The following MEIKIN variants were observed in gnomAD, a reference collection of about 807,000 sequenced individuals.
MEIKIN encodes meiosis-specific kinetochore protein.
chr5:131,890,280 A>G (rs1325082928), intron 8 of MEIKIN, among the ~76,000 whole-genome samples: 1 of 152,306 alleles, frequency 6.6e-6, no homozygotes, highest in Admixed American at 6.5e-5. Context: ...GAATGGTACC[A>G]GCTCCTCCTT....
chr5:131,926,570 T>C (rs1751590514), intron 5 of MEIKIN, among the ~76,000 whole-genome samples: 1 of 152,210 alleles, frequency 6.6e-6, no homozygotes. Context: ...GAAAGTGTCT[T>C]CTCCTCTTTA....
At chr5:131,909,428 A>C (rs1751297993) in intron 8 of MEIKIN, among the ~76,000 whole-genome samples, 1 of 152,186 alleles carries the variant, frequency 6.6e-6, no homozygotes, top group African/African-American at 2.4e-5. Flanking sequence ...AAATGGATTA[A>C]AAACTTAAAT....
intron 11 of MEIKIN, among the ~76,000 whole-genome samples, chr5:131,836,215 A>C (rs1271876148): frequency 6.6e-6 from 1 of 152,136 alleles, no homozygotes; most frequent in Non-Finnish European, 1.5e-5. Context: ...GTTCCTGCAA[A>C]AGACATGATC....
chr5:131,874,603 C>T (rs1280849744), intron 9 of MEIKIN, among the ~76,000 whole-genome samples: 1 of 152,162 alleles, frequency 6.6e-6, no homozygotes, highest in Non-Finnish European at 1.5e-5. Context: ...TGAAACTATT[C>T]CAATCAATAG....
intron 9 of MEIKIN, among the ~76,000 whole-genome samples, chr5:131,858,276 A>G (rs1750229794): frequency 6.6e-6 from 1 of 152,256 alleles, no homozygotes; most frequent in Non-Finnish European, 1.5e-5. Context: ...GCCCAGAAAT[A>G]AAGCTGCACA....
chr5:131,923,060 A>G (rs1402843295), intron 5 of MEIKIN, among the ~76,000 whole-genome samples: 1 of 151,994 alleles, frequency 6.6e-6, no homozygotes, highest in African/African-American at 2.4e-5. Context: ...CCCGGCTAAT[A>G]TTTTATTTGT....
rs1224014060 is a variant in MEIKIN, at chr5:131,857,125, G to C, written c.775-2291C>G. On this transcript the variant is annotated intron_variant, in intron 9 of 12. Coordinates refer to ENST00000442687, the MANE Select transcript of MEIKIN (RefSeq NM_001303622.2). ...CGGAACCTTGACTTTTAGATAATGA[G>C]AGTTTAACTGAAAATTTGTAACTCT... Among the ~76,000 whole-genome samples, 5 of 152,066 alleles carry C rather than the reference G, an allele frequency of 3.3e-5. No homozygotes were observed. In the South Asian group the frequency reaches 1.0e-3, roughly 32 times the overall value.
At chr5:131,846,244 C>T (rs1460861219) in intron 11 of MEIKIN, among the ~76,000 whole-genome samples, 1 of 152,032 alleles carries the variant, frequency 6.6e-6, no homozygotes, top group Admixed American at 6.5e-5. Context: ...AGGTAGTTAC[C>T]ACTAGATTTG....
chr5:131,867,875 T>A (rs1750414471), intron 9 of MEIKIN, among the ~76,000 whole-genome samples: 1 of 152,230 alleles, frequency 6.6e-6, no homozygotes, highest in Non-Finnish European at 1.5e-5. Flanking sequence ...TTTCAATTCA[T>A]TTGCATAAAC....
chr5:131,871,345 A>G (rs1750493055), intron 9 of MEIKIN, among the ~76,000 whole-genome samples: 1 of 152,230 alleles, frequency 6.6e-6, no homozygotes, highest in Non-Finnish European at 1.5e-5. Context: ...GCACACCAGG[A>G]GATTATATCC....
intron 11 of MEIKIN, among the ~76,000 whole-genome samples, chr5:131,840,955 G>C (rs370597982): frequency 1.6e-4 from 25 of 152,146 alleles, no homozygotes; most frequent in Admixed American, 7.9e-4. Context: ...TTCATGCGCT[G>C]GTTCTTTCTC....
At chr5:131,900,085 CACAAA>C (rs1751130285) in intron 8 of MEIKIN, among the ~76,000 whole-genome samples, 1 of 152,162 alleles carries the variant, frequency 6.6e-6, no homozygotes, top group Admixed American at 6.5e-5. Context: ...TATGTTAGGT[CACAAA>C]ACAAGTCTTA....
rs1397438128 is a variant in MEIKIN at position 131,818,838 on chromosome 5, C to T, written c.1001G>A (p.Cys334Tyr). 5.0e-6 allele frequency: 2 copies of T among 397,822 alleles called. No individual in the cohort carries two copies. The highest frequency in any genetic ancestry group is 2.1e-5 in the African/African-American group (1 of 48,550). The allele number at this position is 397,822 out of a possible 1,614,324, so 24.6% of individuals were successfully genotyped here. The change falls in exon 12 of 13, where the codon TGT becomes TAT. Residue 334 changes from cysteine to tyrosine, a missense_variant. Cys to Tyr is a radical substitution (Grantham distance 194). Coordinates refer to ENST00000442687, the MANE Select transcript of MEIKIN (RefSeq NM_001303622.2). ...TCCTGGTGATGTTCTAATAATACAA[C>T]ATATTTCTGATGCATTTGCAGGAAA... ...NEFPANASEI[C>Y]CIIRTSPGTR...
At chr5:131,862,349 A>T (rs558824695) in intron 9 of MEIKIN, among the ~76,000 whole-genome samples, 61 of 152,104 alleles carry the variant, frequency 4.0e-4, no homozygotes, top group Non-Finnish European at 7.2e-4. Flanking sequence ...TTCCTTGGTT[A>T]ATCTAGCTAG....
At position 131,818,768 on chromosome 5, in the gene MEIKIN, TTTC is replaced by T. The variant is rs935446918; in HGVS notation, c.1068_1070del (p.Lys357del). Reference sequence around the variant, plus strand: ...GAGGGGTATCCTTAGGAAGAGAATATTTCTTCTTCTTTACAATAACACCTTTAT... The same window carrying T: ...GAGGGGTATCCTTAGGAAGAGAATATTTCTTCTTTACAATAACACCTTTAT... On this transcript the variant is annotated inframe_deletion, in exon 12 of 13. Transcript: ENST00000442687. The T allele has an allele frequency of 4.5e-5, 18 of 398,146 alleles. No homozygotes were observed. The highest frequency in any genetic ancestry group is 3.1e-4 in the African/African-American group (15 of 48,734). The allele number at this position is 398,146 out of a possible 1,614,324, so 24.7% of individuals were successfully genotyped here.
chr5:131,908,166 A>G lies in MEIKIN; in HGVS notation c.703+3649T>C, dbSNP rs145668580. Among the ~76,000 whole-genome samples, 484 of 152,326 alleles carry G rather than the reference A, an allele frequency of 3.2e-3. 3 individuals carry two copies. Among genetic ancestry groups the G allele is most frequent in the African/African-American group, 0.011 (461 of 41,588 alleles). On this transcript the variant is annotated intron_variant, in intron 8 of 12. Transcript: ENST00000442687. ...CTATAGGCCAATATCTCTGAAGAATACTGATGTAAAAATCCTCAACAAAAT... is the reference window on the plus strand; with the variant it reads ...CTATAGGCCAATATCTCTGAAGAATGCTGATGTAAAAATCCTCAACAAAAT...
Position 131,900,481 on chromosome 5 carries a change from C to T in MEIKIN, c.703+11334G>A, listed in dbSNP as rs1177239771. On this transcript the variant is annotated intron_variant, in intron 8 of 12. Coordinates refer to ENST00000442687, the MANE Select transcript of MEIKIN (RefSeq NM_001303622.2). ...GAATCCTGGCAGGAGACCTCATGAC[C>T]CCCACAGACACTTGTTCTGTAGGGG... Among the ~76,000 whole-genome samples, 4 of 152,016 alleles carry T rather than the reference C, an allele frequency of 2.6e-5. No individual in the cohort carries two copies. In the East Asian group the frequency reaches 7.7e-4, roughly 29 times the overall value.
chr5:131,833,815 A>G (rs1471008353), intron 11 of MEIKIN, among the ~76,000 whole-genome samples: 1 of 152,240 alleles, frequency 6.6e-6, no homozygotes, highest in Non-Finnish European at 1.5e-5. Flanking sequence ...CAGCCAAACC[A>G]TATCAGTAAC....
intron 8 of MEIKIN, among the ~76,000 whole-genome samples, chr5:131,892,466 C>G (rs1028666277): frequency 1.3e-5 from 2 of 152,160 alleles, no homozygotes; most frequent in African/African-American, 4.8e-5. Context: ...TCATTCATTT[C>G]ATCTTCCATC....
Sources: allele counts gnomAD v4.1 joint callset (sites outside exome capture counted in the v4.1 genomes callset), GRCh38; gene constraint gnomAD v4.1.1; transcripts MANE v1.5; gene names NCBI Gene and HGNC (gene_info 2026-07-23, HGNC 2026-07-21).